ADGRL3: variants seen among roughly 807,000 people sequenced by gnomAD.
ADGRL3 encodes adhesion G protein-coupled receptor L3, also known as calcium-independent alpha-latrotoxin receptor 3.
ADGRL3 carries 62 observed loss-of-function variants against 153.5 expected under a neutral mutation model. The observed-to-expected ratio is 0.40, with a 90% CI of 0.33 to 0.50. The LOEUF is 0.50. Among genes scored for constraint, ADGRL3 ranks in the 20% least tolerant of loss-of-function variants. The pLI, the probability that ADGRL3 is intolerant of heterozygous loss-of-function variation, is 0.47. For synonymous variants in ADGRL3, 710 were observed against 672.5 expected (o/e 1.06, Z -0.86); for missense variants, 1,641 against 1,859.4 (o/e 0.88, Z 2.16).
intron 13 of ADGRL3, among the ~76,000 whole-genome samples, chr4:61,924,264 T>C (rs1435926028): frequency 6.6e-6 from 1 of 152,110 alleles, no homozygotes; most frequent in Non-Finnish European, 1.5e-5. Flanking sequence ...AATTGACACT[T>C]CTTTCCAGTC....
intron 1 of ADGRL3, among the ~76,000 whole-genome samples, chr4:61,345,050 G>T (rs545098044): frequency 4.6e-5 from 7 of 151,190 alleles, no homozygotes; most frequent in Non-Finnish European, 1.0e-4. Flanking sequence ...CATCCGCCTC[G>T]GCCTTTCAAA....
chr4:61,492,105 A>G (rs1175176246), intron 2 of ADGRL3, among the ~76,000 whole-genome samples: 1 of 152,204 alleles, frequency 6.6e-6, no homozygotes, highest in East Asian at 1.9e-4. Flanking sequence ...ATAGGTCTAT[A>G]TACCAATTCA....
chr4:61,331,826 A>G lies in ADGRL3; in HGVS notation c.-239-51298A>G, dbSNP rs528702286. On this transcript the variant is annotated intron_variant, in intron 1 of 26. Transcript: ENST00000683033. ...ATTACGGTATAGTCATTTTTCTAAT[A>G]TAAATGCATGCATTGTCATTTTAAA... 5.8e-4 allele frequency among the ~76,000 whole-genome samples: 89 copies of G among 152,210 alleles called. 1 individual carries two copies. The highest frequency in any genetic ancestry group is 1.5e-5 in the Non-Finnish European group (1 of 67,978).
chr4:61,844,485 T>A (rs543525597), intron 9 of ADGRL3, among the ~76,000 whole-genome samples: 205 of 131,402 alleles, frequency 1.6e-3, no homozygotes, highest in African/African-American at 5.7e-3. Context: ...AGGCGGAGGT[T>A]CCAGTGAGCC....
chr4:61,846,988 G>GTA (rs1225505040), intron 9 of ADGRL3, among the ~76,000 whole-genome samples: 19 of 149,510 alleles, frequency 1.3e-4, no homozygotes, highest in South Asian at 2.1e-4. Flanking sequence ...ATGTATATAT[G>GTA]TATATATATA....
intron 12 of ADGRL3, 108 bp from the exon 13 acceptor site, chr4:61,912,611 C>G: frequency 2.1e-6 from 2 of 953,328 alleles, no homozygotes; most frequent in Non-Finnish European, 3.2e-6. Flanking sequence ...TAGTGAATGA[C>G]AAAATAAGGT....
chr4:61,365,293 A>T (rs2096374927), intron 1 of ADGRL3, among the ~76,000 whole-genome samples: 1 of 152,198 alleles, frequency 6.6e-6, no homozygotes, highest in Non-Finnish European at 1.5e-5. Flanking sequence ...CAGAAGTTTA[A>T]CTGATTGTTC....
intron 1 of ADGRL3, among the ~76,000 whole-genome samples, chr4:61,350,451 C>G (rs1473340702): frequency 6.6e-6 from 1 of 151,208 alleles, no homozygotes; most frequent in African/African-American, 2.4e-5. Context: ...TACGTTATCC[C>G]CAATTAGACA....
At chr4:61,884,909 G>T (rs1350853893) in intron 9 of ADGRL3, among the ~76,000 whole-genome samples, 1 of 151,452 alleles carries the variant, frequency 6.6e-6, no homozygotes, top group Admixed American at 6.6e-5. Context: ...ATAGGTGTGA[G>T]CCACCGCGCC....
chr4:61,454,457 TGTA>T (rs2097710954), intron 2 of ADGRL3, among the ~76,000 whole-genome samples: 1 of 152,176 alleles, frequency 6.6e-6, no homozygotes, highest in East Asian at 1.9e-4. Flanking sequence ...ACAATGTGAA[TGTA>T]TGCAAATAAG....
intron 4 of ADGRL3, among the ~76,000 whole-genome samples, chr4:61,547,770 T>A (rs2098720880): frequency 6.6e-6 from 1 of 152,050 alleles, no homozygotes; most frequent in Admixed American, 6.6e-5. Context: ...GTATATACCC[T>A]ATAATAGGGT....
intron 1 of ADGRL3, among the ~76,000 whole-genome samples, chr4:61,329,268 ATAT>A (rs1470784426): frequency 6.6e-6 from 1 of 152,182 alleles, no homozygotes; most frequent in Admixed American, 6.6e-5. Flanking sequence ...GAAAAAAGAT[ATAT>A]TTAGATGGTT....
intron 13 of ADGRL3, among the ~76,000 whole-genome samples, chr4:61,921,533 A>G (rs1490664512): frequency 6.6e-6 from 1 of 152,022 alleles, no homozygotes; most frequent in Non-Finnish European, 1.5e-5. Flanking sequence ...CTTCTCTCCC[A>G]AGTAGCTGGG....
intron 13 of ADGRL3, among the ~76,000 whole-genome samples, chr4:61,916,247 A>G (rs1510922): frequency 0.97 from 147,753 of 152,280 alleles, 71,860 homozygotes; most frequent in East Asian, 1. Flanking sequence ...AAAAAAAATT[A>G]AGTTTAATAT....
At chr4:61,553,050 G>C (rs1046003177) in intron 4 of ADGRL3, among the ~76,000 whole-genome samples, 13 of 152,110 alleles carry the variant, frequency 8.5e-5, no homozygotes, top group African/African-American at 3.1e-4. Flanking sequence ...AGGTTTTTTG[G>C]CTTATTGCGC....
chr4:61,631,262 T>A (rs2093148856), intron 5 of ADGRL3, among the ~76,000 whole-genome samples: 1 of 152,196 alleles, frequency 6.6e-6, no homozygotes, highest in African/African-American at 2.4e-5. Flanking sequence ...TCATAACCAG[T>A]GATGTATTAA....
intron 1 of ADGRL3, among the ~76,000 whole-genome samples, chr4:61,299,132 C>T (rs1357405972): frequency 6.6e-6 from 1 of 152,094 alleles, no homozygotes; most frequent in Admixed American, 6.6e-5. Context: ...CCATCTTTCT[C>T]TCTACATGCC....
chr4:61,881,672 C>A (rs950069912), intron 9 of ADGRL3, among the ~76,000 whole-genome samples: 2 of 152,206 alleles, frequency 1.3e-5, no homozygotes, highest in Non-Finnish European at 2.9e-5. Context: ...GCCACCACGC[C>A]TGGCTAATTT....
chr4:61,885,753 G>A (rs2098534896), intron 9 of ADGRL3, among the ~76,000 whole-genome samples: 1 of 152,168 alleles, frequency 6.6e-6, no homozygotes, highest in Admixed American at 6.5e-5. Context: ...TTAGAATCAT[G>A]ATCCTATCAA....
Sources: gnomAD v4.1 joint callset for allele counts (sites outside exome capture counted in the v4.1 genomes callset) on GRCh38, gnomAD v4.1.1 for gene constraint, MANE v1.5 for transcripts, NCBI Gene and HGNC (gene_info 2026-07-23, HGNC 2026-07-21) for gene names.